The following NFIA variants were observed in gnomAD, a reference collection of about 807,000 sequenced individuals.
NFIA encodes the protein nuclear factor 1 A-type.
A neutral mutation model predicts 62.8 loss-of-function variants in NFIA; 8 were observed. The observed-to-expected ratio is 0.13, with a 90% CI of 0.07 to 0.23. The LOEUF is 0.23. Ranked by LOEUF, NFIA falls within the 10% of genes least tolerant of loss-of-function variation. NFIA has a pLI of 1.00. For missense variants in NFIA, 410 were observed against 642.1 expected, an observed-to-expected ratio of 0.64 and a Z score of 3.91; for synonymous variants, 235 against 238.1, an observed-to-expected ratio of 0.99 and a Z score of 0.12.
rs368015419 is a variant in NFIA at position 61,292,847 on chromosome 1, C to T, written c.625+15262C>T. 2.0e-5 allele frequency among the ~76,000 whole-genome samples: 3 copies of T among 152,284 alleles called. No individual in the cohort carries two copies. The East Asian group carries it at 5.8e-4, about 29-fold the overall frequency. ...GTATTTCTGTGCATTTCTGGGGATG[C>T]TTACAGCAAAAGTTTTCTTCTAGCT... On this transcript the variant is annotated intron_variant, in intron 3 of 10. Coordinates refer to ENST00000403491, the MANE Select transcript of NFIA (RefSeq NM_001134673.4).
chr1:61,200,023 T>TAC (rs1652329938), intron 2 of NFIA, among the ~76,000 whole-genome samples: 1 of 24,270 alleles, frequency 4.1e-5, no homozygotes, highest in Non-Finnish European at 6.9e-5. Context: ...TATATATATA[T>TAC]ATATATATAT....
At position 61,456,693 on chromosome 1, in the gene NFIA, G is replaced by A. The variant is rs12094297; in HGVS notation, c.*1373G>A. 2,531 of 120,162 alleles carry A rather than the reference G, an allele frequency of 0.021. 56 individuals are homozygous for A. The highest frequency in any genetic ancestry group is 0.077 in the African/African-American group (2,207 of 28,608). The allele number at this position is 120,162 out of a possible 1,614,324, so 7.4% of individuals were successfully genotyped here. ...TAGTAATAATAATAATAATAATAAT[G>A]ATGAAACCAATACTGACACAAATGC... On this transcript the variant is annotated 3_prime_UTR_variant, in exon 11 of 11. Transcript: ENST00000403491.
chr1:61,210,494 T>G (rs1653182157), intron 2 of NFIA, among the ~76,000 whole-genome samples: 1 of 152,220 alleles, frequency 6.6e-6, no homozygotes, highest in Non-Finnish European at 1.5e-5. Context: ...TCCTTAAGCA[T>G]GTACAAATTT....
At chr1:61,082,468 G>A (rs1247822825), upstream of NFIA, 6 of 1,068,008 alleles carry the variant, frequency 5.6e-6, no homozygotes, top group African/African-American at 8.6e-5. Flanking sequence ...CGGGCACCCG[G>A]CCGGGCCGGC....
chr1:61,130,800 G>C (rs977286105), intron 2 of NFIA, among the ~76,000 whole-genome samples: 1 of 152,174 alleles, frequency 6.6e-6, no homozygotes, highest in African/African-American at 2.4e-5. Context: ...ACCAAGGTCA[G>C]GTTAGTTAAT....
intron 2 of NFIA, among the ~76,000 whole-genome samples, chr1:61,275,544 C>G (rs1196533434): frequency 1.3e-5 from 2 of 152,046 alleles, no homozygotes; most frequent in African/African-American, 2.4e-5. Context: ...AGATATTACA[C>G]ATAGAAGTAG....
intron 2 of NFIA, among the ~76,000 whole-genome samples, chr1:61,137,639 T>C (rs773904770): frequency 2.0e-5 from 3 of 152,200 alleles, no homozygotes; most frequent in Non-Finnish European, 4.4e-5. Context: ...GAGTGGGATC[T>C]GGGCGTTAGC....
chr1:61,347,698 A>G (rs570661205), intron 4 of NFIA, among the ~76,000 whole-genome samples: 1 of 152,280 alleles, frequency 6.6e-6, no homozygotes, highest in South Asian at 2.1e-4. Flanking sequence ...GAAATTTAGC[A>G]TGTTCGGCAT....
At chr1:61,212,638 T>C (rs1653339693) in intron 2 of NFIA, among the ~76,000 whole-genome samples, 1 of 152,194 alleles carries the variant, frequency 6.6e-6, no homozygotes, top group Non-Finnish European at 1.5e-5. Flanking sequence ...ACATTGCAGT[T>C]GTCCTTATTG....
intron 2 of NFIA, among the ~76,000 whole-genome samples, chr1:61,216,227 C>A (rs1653615261): frequency 6.6e-6 from 1 of 152,158 alleles, no homozygotes; most frequent in Non-Finnish European, 1.5e-5. Flanking sequence ...TTTGCATAAT[C>A]GTCCAGTGCT....
In NFIA at chr1:61,088,387, A is replaced by C; in HGVS notation, c.266A>C (p.Glu89Ala). 1 of 1,613,822 alleles carries C rather than the reference A, an allele frequency of 6.2e-7. No homozygotes were observed. Among genetic ancestry groups the C allele is most frequent in the Non-Finnish European group, 8.5e-7 (1 of 1,179,942 alleles). The part of the protein sequence containing the change: ...LRKDIRPEYR[E>A]DFVLTVTGKK... ...AAAGATATCCGACCCGAATATCGAG[A>C]GGATTTTGTTCTTACAGTTACAGGG... is the stretch of plus-strand genomic sequence containing the variant. The change falls in exon 2 of 11, where the codon GAG (glutamate) becomes GCG (alanine). Residue 89 changes from glutamate (E) to alanine (A), a missense_variant. By Grantham distance (107) the Glu-to-Ala change is moderately radical. Around this residue, in one of 3 missense-constraint regions of NFIA, gnomAD observed 86 missense variants for 124.6 expected, o/e 0.69. Coordinates refer to ENST00000403491, the MANE Select transcript of NFIA (RefSeq NM_001134673.4). This position sits in a 1 kb window ranked among gnomAD's most constrained non-coding sequence, Gnocchi z 4.5.
At chr1:61,112,391 A>G (rs560354142) in intron 2 of NFIA, among the ~76,000 whole-genome samples, 1 of 152,222 alleles carries the variant, frequency 6.6e-6, no homozygotes, top group African/African-American at 2.4e-5. Context: ...ATGACTTACT[A>G]GGTGTTATGA....
At chr1:61,194,557 C>G (rs72664859) in intron 2 of NFIA, among the ~76,000 whole-genome samples, 11,068 of 152,160 alleles carry the variant, frequency 0.073, 530 homozygotes, top group African/African-American at 0.14. Flanking sequence ...TCCATGCAAA[C>G]TTAATTAATT....
intron 10 of NFIA, among the ~76,000 whole-genome samples, chr1:61,447,249 G>T (rs1414459562): frequency 1.3e-5 from 2 of 152,164 alleles, no homozygotes; most frequent in Admixed American, 1.3e-4. Flanking sequence ...CAATCATAAA[G>T]CCTGTATTGT....
chr1:61,107,721 T>C (rs1646628363), intron 2 of NFIA, among the ~76,000 whole-genome samples: 1 of 151,700 alleles, frequency 6.6e-6, no homozygotes, highest in African/African-American at 2.4e-5. Context: ...TGCTTTTTTG[T>C]CTTGTTGAAG....
At chr1:61,319,128 G>A (rs994606604) in intron 3 of NFIA, among the ~76,000 whole-genome samples, 1 of 152,072 alleles carries the variant, frequency 6.6e-6, no homozygotes, top group African/African-American at 2.4e-5. Context: ...AATTCATTGA[G>A]GGTTTTATGC....
rs112725651 is a variant in NFIA at position 61,391,044 on chromosome 1, A to ATTTG, written c.1075+7707_1075+7710dup. On this transcript the variant is annotated intron_variant, in intron 7 of 10. Coordinates refer to ENST00000403491, the MANE Select transcript of NFIA (RefSeq NM_001134673.4). Reference sequence around the variant, plus strand: ...CAGTATATATTTGATTTGTTTGTTTATTTGTTTGTTTGTTTGTTTGTTTGT... The same window carrying ATTTG: ...CAGTATATATTTGATTTGTTTGTTTATTTGTTTGTTTGTTTGTTTGTTTGTTTGT... Among the ~76,000 whole-genome samples the ATTTG allele has an allele frequency of 3.8e-3, 581 of 150,996 alleles. 1 individual carries two copies. Among genetic ancestry groups the ATTTG allele is most frequent in the East Asian group, 6.7e-3 (34 of 5,060 alleles).
intron 2 of NFIA, among the ~76,000 whole-genome samples, chr1:61,116,968 T>G (rs1055422413): frequency 6.6e-6 from 1 of 152,234 alleles, no homozygotes; most frequent in Non-Finnish European, 1.5e-5. Flanking sequence ...ATGCCTTTTT[T>G]ATGACAAGAA....
chr1:61,198,970 GT>G (rs1286452038), intron 2 of NFIA, among the ~76,000 whole-genome samples: 4 of 152,156 alleles, frequency 2.6e-5, no homozygotes, highest in Non-Finnish European at 4.4e-5. Context: ...TTAGGAATGA[GT>G]TGGAAAACGG....
Sources: allele counts gnomAD v4.1 joint callset (sites outside exome capture counted in the v4.1 genomes callset), GRCh38; gene constraint gnomAD v4.1.1; regional missense constraint gnomAD v4.1.1; non-coding constraint Gnocchi (gnomAD v3.1); transcripts MANE v1.5; gene names NCBI Gene and HGNC (gene_info 2026-07-23, HGNC 2026-07-21).